Variants in CCDC102B observed in about 807,000 individuals in gnomAD.
The protein encoded by CCDC102B is coiled-coil domain-containing protein 102B.
CCDC102B carries 75 observed loss-of-function variants against 57.4 expected under a neutral mutation model. That is an observed-to-expected ratio of 1.31 (90% CI 1.08 to 1.58). The LOEUF (loss-of-function observed/expected upper bound fraction) is 1.58, where lower values mean the gene tolerates loss of function less well. Ranked by LOEUF, CCDC102B falls within the 40% of genes most tolerant of loss-of-function variation. The probability of loss-of-function intolerance (pLI) is 0.00; values close to 1 mark genes in which losing one functional copy is unlikely to be tolerated. For synonymous variants in CCDC102B, 206 were observed against 201.9 expected (o/e 1.02, Z -0.17); for missense variants, 636 against 582.6 (o/e 1.09, Z -0.94).
At chr18:68,818,933 A>C (rs886778183) in intron 1 of CCDC102B, among the ~76,000 whole-genome samples, 1 of 152,090 alleles carries the variant, frequency 6.6e-6, no homozygotes, top group East Asian at 1.9e-4. Context: ...CATGAAGTAC[A>C]TCTTCAAGTT....
intron 1 of CCDC102B, among the ~76,000 whole-genome samples, chr18:68,830,162 G>A (rs181626013): frequency 1.3e-5 from 2 of 151,816 alleles, no homozygotes; most frequent in African/African-American, 4.8e-5. Flanking sequence ...TCATTTAATC[G>A]ATATGAGGTT....
In CCDC102B at chr18:68,742,350, C is replaced by T. The variant is rs578187307; in HGVS notation, c.-67+25756C>T. Among the ~76,000 whole-genome samples, 3 of 152,156 alleles carry T rather than the reference C, an allele frequency of 2.0e-5. No individual in the cohort carries two copies. In the South Asian group the frequency reaches 6.2e-4, roughly 32 times the overall value. The stretch of plus-strand genomic sequence containing the variant: ...GCACCAGTCATATTTGATTAAAGGC[C>T]CACCCTACTCCATTGTGACCTCAAC... On this transcript the variant is annotated intron_variant, in intron 2 of 3. Coordinates refer to the CCDC102B transcript ENST00000578970.
chr18:68,985,670 G>A (rs763552652), intron 6 of CCDC102B, among the ~76,000 whole-genome samples: 7 of 152,120 alleles, frequency 4.6e-5, no homozygotes, highest in Non-Finnish European at 8.8e-5. Flanking sequence ...AAAGGACTTT[G>A]AGCCACAGTG....
intron 5 of CCDC102B, among the ~76,000 whole-genome samples, chr18:68,879,577 A>G (rs2039597941): frequency 6.6e-6 from 1 of 151,948 alleles, no homozygotes; most frequent in Non-Finnish European, 1.5e-5. Flanking sequence ...AAGGTTCTGC[A>G]AGGCCCCACC....
At chr18:69,049,564 G>T (rs772198683) in intron 7 of CCDC102B, among the ~76,000 whole-genome samples, 1 of 152,068 alleles carries the variant, frequency 6.6e-6, no homozygotes, top group East Asian at 1.9e-4. Context: ...TTACTGTGTG[G>T]AAGGGAGGAG....
chr18:68,794,619 A>G (rs1013824309), upstream of CCDC102B, among the ~76,000 whole-genome samples: 3 of 152,168 alleles, frequency 2.0e-5, no homozygotes, highest in Non-Finnish European at 4.4e-5. Flanking sequence ...ACCTCAAGAC[A>G]TTATAAACTT....
intron 7 of CCDC102B, among the ~76,000 whole-genome samples, chr18:69,017,997 G>C (rs542765061): frequency 3.9e-5 from 5 of 129,154 alleles, no homozygotes; most frequent in East Asian, 3.0e-4. Flanking sequence ...AAATATTTCT[G>C]TGTGTGTGTG....
chr18:68,910,086 A>C (rs763240681), intron 6 of CCDC102B, among the ~76,000 whole-genome samples: 1 of 152,158 alleles, frequency 6.6e-6, no homozygotes, highest in African/African-American at 2.4e-5. Flanking sequence ...GCCCGGTCAA[A>C]TCATTTGACC....
intron 5 of CCDC102B, among the ~76,000 whole-genome samples, chr18:68,885,214 A>G (rs947810197): frequency 6.6e-6 from 1 of 152,080 alleles, no homozygotes; most frequent in African/African-American, 2.4e-5. Flanking sequence ...TGAAAGTTGA[A>G]TGAGTCACCC....
At chr18:68,872,022 CA>C (rs1274119460) in intron 4 of CCDC102B, among the ~76,000 whole-genome samples, 1 of 151,992 alleles carries the variant, frequency 6.6e-6, no homozygotes, top group Non-Finnish European at 1.5e-5. Flanking sequence ...TTGTGAAGGG[CA>C]AGCTGATTGA....
At chr18:68,718,141 G>A (rs759723423) in intron 2 of CCDC102B, 1 of 152,168 alleles carries the variant, frequency 6.6e-6, no homozygotes, top group Admixed American at 6.5e-5. Context: ...AAATTACCAA[G>A]TCTGTATTTT....
At chr18:68,953,912 A>G (rs1432999931) in intron 6 of CCDC102B, among the ~76,000 whole-genome samples, 1 of 152,058 alleles carries the variant, frequency 6.6e-6, no homozygotes, top group African/African-American at 2.4e-5. Flanking sequence ...TCAACCTAAC[A>G]TTACATTAAA....
chr18:68,933,941 A>G (rs1412329181), intron 6 of CCDC102B, among the ~76,000 whole-genome samples: 1 of 151,904 alleles, frequency 6.6e-6, no homozygotes, highest in Non-Finnish European at 1.5e-5. Flanking sequence ...CGGGAGAGGT[A>G]TTTATGCATT....
At chr18:68,980,953 T>C (rs2050563743) in intron 6 of CCDC102B, among the ~76,000 whole-genome samples, 1 of 152,008 alleles carries the variant, frequency 6.6e-6, no homozygotes, top group African/African-American at 2.4e-5. Context: ...AGACTGTAGA[T>C]GAGCAACATT....
chr18:68,731,804 ATAGTC>A (rs1473054797), intron 2 of CCDC102B, among the ~76,000 whole-genome samples: 1 of 149,448 alleles, frequency 6.7e-6, no homozygotes, highest in African/African-American at 2.4e-5. Context: ...CAGACAGACA[ATAGTC>A]TTGAGATTTT....
intron 4 of CCDC102B, among the ~76,000 whole-genome samples, chr18:68,848,400 A>G (rs192275583): frequency 2.0e-5 from 3 of 152,118 alleles, no homozygotes; most frequent in Non-Finnish European, 4.4e-5. Flanking sequence ...AAGCAAATAC[A>G]TGCCTGTCTA....
chr18:68,986,524 C>T (rs1035347632), intron 6 of CCDC102B, among the ~76,000 whole-genome samples: 1 of 152,144 alleles, frequency 6.6e-6, no homozygotes, highest in African/African-American at 2.4e-5. Flanking sequence ...GACAAACTTA[C>T]TGCCAACACC....
At chr18:68,763,031 C>T (rs2034306125) in intron 2 of CCDC102B, among the ~76,000 whole-genome samples, 1 of 151,986 alleles carries the variant, frequency 6.6e-6, no homozygotes, top group African/African-American at 2.4e-5. Flanking sequence ...ATTTATATAG[C>T]ATTATTTCTG....
At chr18:68,989,175 T>C (rs530333681) in intron 6 of CCDC102B, among the ~76,000 whole-genome samples, 1 of 152,354 alleles carries the variant, frequency 6.6e-6, no homozygotes, top group Non-Finnish European at 1.5e-5. Context: ...TGAATACCTA[T>C]GCATCAGATA....
Sources: allele counts gnomAD v4.1 joint callset (sites outside exome capture counted in the v4.1 genomes callset), GRCh38; gene constraint gnomAD v4.1.1; transcripts MANE v1.5; gene names NCBI Gene and HGNC (gene_info 2026-07-23, HGNC 2026-07-21).